The following RNF182 variants were observed in gnomAD, a reference collection of about 807,000 sequenced individuals.
The protein encoded by RNF182 is ring finger protein 182.
In RNF182, 15 loss-of-function variants were observed where a neutral mutation model predicts 14.4. The observed-to-expected ratio is 1.04, with a 90% CI of 0.70 to 1.60. The LOEUF is 1.60. Ranked by LOEUF, RNF182 falls within the 40% of genes most tolerant of loss-of-function variation. RNF182 has a pLI of 0.00. For synonymous variants in RNF182, 128 were observed against 122.9 expected (o/e 1.04, Z -0.27); for missense variants, 268 against 294.8 (o/e 0.91, Z 0.67).
In RNF182 at chr6:13,977,819, T is replaced by C. The variant is rs370036638; in HGVS notation, c.700T>C (p.Cys234Arg). 15 of 1,613,972 alleles carry C rather than the reference T, an allele frequency of 9.3e-6. No individual in the cohort carries two copies. The highest frequency in any genetic ancestry group is 1.1e-5 in the Non-Finnish European group (13 of 1,179,978). The change falls in exon 3 of 3, where the codon TGT becomes CGT. Residue 234 changes from cysteine (C) to arginine (R), a missense_variant. Physicochemically the swap from Cys to Arg is radical, Grantham distance 180. Transcript: ENST00000488300. ...VILMVYGFCQ[C>R]VCHEFLDCMA... ...TCTTATGGTGTATGGTTTTTGCCAG[T>C]GTGTTTGTCATGAATTTCTAGACTG...
intron 1 of RNF182, among the ~76,000 whole-genome samples, chr6:13,973,325 T>C (rs1471255932): frequency 1.3e-5 from 2 of 152,134 alleles, no homozygotes; most frequent in Non-Finnish European, 2.9e-5. Flanking sequence ...CTATGGACTT[T>C]TGAGTTAATG....
chr6:13,940,910 T>G (rs1239801834), intron 1 of RNF182, among the ~76,000 whole-genome samples: 1 of 152,154 alleles, frequency 6.6e-6, no homozygotes, highest in Non-Finnish European at 1.5e-5. Flanking sequence ...TCTAGCTTAA[T>G]CCAGCTATTG....
chr6:13,942,937 A>G (rs1474419478), intron 1 of RNF182, among the ~76,000 whole-genome samples: 1 of 152,184 alleles, frequency 6.6e-6, no homozygotes, highest in Non-Finnish European at 1.5e-5. Flanking sequence ...AAATTCACCC[A>G]TTGTAGGTGT....
chr6:13,953,373 G>GGT (rs1255230157), intron 1 of RNF182, among the ~76,000 whole-genome samples: 1 of 152,128 alleles, frequency 6.6e-6, no homozygotes, highest in African/African-American at 2.4e-5. Flanking sequence ...TACTGCCCTG[G>GGT]GTGTGTGTGT....
At chr6:13,953,916 A>C (rs1759662738) in intron 1 of RNF182, among the ~76,000 whole-genome samples, 1 of 152,216 alleles carries the variant, frequency 6.6e-6, no homozygotes, top group African/African-American at 2.4e-5. Context: ...TAATGAATGA[A>C]TATACATGGT....
intron 1 of RNF182, among the ~76,000 whole-genome samples, chr6:13,967,663 TTACA>T (rs1475130070): frequency 2.0e-5 from 3 of 152,114 alleles, no homozygotes; most frequent in African/African-American, 7.2e-5. Flanking sequence ...CTATTAGAAA[TTACA>T]TATGGCAATA....
At chr6:13,975,793 G>A (rs1391862157) in intron 2 of RNF182, among the ~76,000 whole-genome samples, 4 of 152,114 alleles carry the variant, frequency 2.6e-5, no homozygotes, top group Non-Finnish European at 4.4e-5. Context: ...GCTTGGAGAT[G>A]TGCTCAGAAA....
At chr6:13,945,791 A>T (rs1299352499) in intron 1 of RNF182, among the ~76,000 whole-genome samples, 3 of 152,140 alleles carry the variant, frequency 2.0e-5, no homozygotes, top group Admixed American at 6.5e-5. Flanking sequence ...CATCCCATTC[A>T]TTCTGATTAC....
intron 2 of RNF182, among the ~76,000 whole-genome samples, chr6:13,975,330 T>G (rs966761458): frequency 6.6e-6 from 1 of 152,134 alleles, no homozygotes; most frequent in Non-Finnish European, 1.5e-5. Context: ...GGATCAGGAA[T>G]GAGGGAAATT....
At chr6:13,937,845 CA>C (rs1365724173) in intron 1 of RNF182, among the ~76,000 whole-genome samples, 4 of 152,066 alleles carry the variant, frequency 2.6e-5, no homozygotes, top group Non-Finnish European at 4.4e-5. Flanking sequence ...GTCATAGTAG[CA>C]GATGAAAAAT....
intron 1 of RNF182, among the ~76,000 whole-genome samples, chr6:13,960,237 A>G (rs1450595827): frequency 2.6e-5 from 4 of 152,236 alleles, no homozygotes; most frequent in Admixed American, 1.3e-4. Flanking sequence ...CATCCCCAGC[A>G]TCTTGCACAT....
At chr6:13,939,378 T>C (rs1420888403) in intron 1 of RNF182, among the ~76,000 whole-genome samples, 4 of 152,116 alleles carry the variant, frequency 2.6e-5, no homozygotes, top group Non-Finnish European at 5.9e-5. Context: ...CTTTAATTTC[T>C]CTAAGTAATG....
chr6:13,975,833 CA>C (rs1760308921), intron 2 of RNF182, among the ~76,000 whole-genome samples: 1 of 152,020 alleles, frequency 6.6e-6, no homozygotes, highest in African/African-American at 2.4e-5. Flanking sequence ...TTTTCTAAGC[CA>C]AACATAATTT....
intron 1 of RNF182, among the ~76,000 whole-genome samples, chr6:13,937,272 A>G (rs1759136139): frequency 6.6e-6 from 1 of 152,228 alleles, no homozygotes; most frequent in Non-Finnish European, 1.5e-5. Flanking sequence ...ACTCACATCA[A>G]AAAATAGAAG....
chr6:13,947,959 A>G (rs1759480718), intron 1 of RNF182, among the ~76,000 whole-genome samples: 1 of 152,238 alleles, frequency 6.6e-6, no homozygotes, highest in South Asian at 2.1e-4. Flanking sequence ...GGGAGAAATC[A>G]GGTAGAGAGA....
intron 1 of RNF182, among the ~76,000 whole-genome samples, chr6:13,960,646 G>GAGAGA (rs1561784304): frequency 8.8e-5 from 13 of 148,160 alleles, no homozygotes; most frequent in African/African-American, 2.3e-4. Flanking sequence ...TTTGATGGAG[G>GAGAGA]GAGAGAGAGA....
chr6:13,941,400 A>G (rs183626954), intron 1 of RNF182, among the ~76,000 whole-genome samples: 15 of 152,034 alleles, frequency 9.9e-5, no homozygotes, highest in Admixed American at 7.9e-4. Flanking sequence ...TGCATGGTAT[A>G]TCTTCTTATA....
intron 1 of RNF182, among the ~76,000 whole-genome samples, chr6:13,928,153 A>T (rs968007246): frequency 6.6e-6 from 1 of 152,238 alleles, no homozygotes; most frequent in South Asian, 2.1e-4. Context: ...AGATGTCTTA[A>T]GCTGTTTGGT....
intron 2 of RNF182, among the ~76,000 whole-genome samples, chr6:13,975,180 G>A (rs550457956): frequency 2.1e-4 from 32 of 152,298 alleles, no homozygotes; most frequent in African/African-American, 7.7e-4. Context: ...GACCAGGATA[G>A]AACTCCTTCT....
Sources: allele counts gnomAD v4.1 joint callset (sites outside exome capture counted in the v4.1 genomes callset), GRCh38; gene constraint gnomAD v4.1.1; transcripts MANE v1.5; gene names NCBI Gene and HGNC (gene_info 2026-07-23, HGNC 2026-07-21).